SEC22C: variants seen among roughly 807,000 people sequenced by gnomAD.
SEC22C encodes vesicle-trafficking protein SEC22c.
In SEC22C, 29 loss-of-function variants were observed where a neutral mutation model predicts 34.7. The ratio of observed to expected loss-of-function variants is 0.84; its 90% CI spans 0.62 to 1.14. The LOEUF is 1.14. Ranked by LOEUF, SEC22C falls within the 50% of genes most tolerant of loss-of-function variation. The probability of loss-of-function intolerance (pLI) is 0.00; values close to 1 mark genes in which losing one functional copy is unlikely to be tolerated. For missense variants in SEC22C, 337 were observed against 369.0 expected, an observed-to-expected ratio of 0.91 and a Z score of 0.71; for synonymous variants, 117 against 132.8, an observed-to-expected ratio of 0.88 and a Z score of 0.82.
intron 1 of SEC22C, chr3:42,590,949 C>G (rs1174473663): frequency 7.4e-7 from 1 of 1,357,298 alleles, no homozygotes; most frequent in East Asian, 3.6e-5. Flanking sequence ...GGAAGTCAAT[C>G]AAGAGACTAT....
chr3:42,578,257 C>A (rs1704092471), intron 1 of SEC22C, among the ~76,000 whole-genome samples: 1 of 152,120 alleles, frequency 6.6e-6, no homozygotes, highest in Non-Finnish European at 1.5e-5. Context: ...GGTCCTGGTA[C>A]ACAGAACAAC....
intron 1 of SEC22C, among the ~76,000 whole-genome samples, chr3:42,569,367 C>T (rs926773211): frequency 1.3e-5 from 2 of 152,086 alleles, no homozygotes; most frequent in Admixed American, 6.5e-5. Flanking sequence ...TAGAGAAGAA[C>T]GGACGCAGGA....
intron 1 of SEC22C, among the ~76,000 whole-genome samples, chr3:42,596,054 G>A (rs115700490): frequency 0.011 from 1,616 of 150,654 alleles, 25 homozygotes; most frequent in African/African-American, 0.037. Context: ...TTTTTGAGAC[G>A]GAATCTCGCT....
At chr3:42,586,792 C>G (rs1383158917), upstream of SEC22C, among the ~76,000 whole-genome samples, 5 of 152,296 alleles carry the variant, frequency 3.3e-5, no homozygotes, top group South Asian at 4.1e-4. Flanking sequence ...TCCAACCTAG[C>G]CTTTGTCCCT....
chr3:42,558,896 T>C (rs1228641128), intron 4 of SEC22C, among the ~76,000 whole-genome samples: 1 of 152,248 alleles, frequency 6.6e-6, no homozygotes, highest in Non-Finnish European at 1.5e-5. Flanking sequence ...GCATTTCTAT[T>C]ATATGCCTCA....
intron 1 of SEC22C, among the ~76,000 whole-genome samples, chr3:42,596,388 G>T (rs963189609): frequency 6.6e-6 from 1 of 152,202 alleles, no homozygotes; most frequent in Non-Finnish European, 1.5e-5. Context: ...TGGTTTTCCA[G>T]AGTCCTATCC....
At chr3:42,555,823 G>T in intron 6 of SEC22C, 107 bp downstream of exon 6, 1 of 897,896 alleles carries the variant, frequency 1.1e-6, no homozygotes, top group African/African-American at 1.7e-5. Context: ...TGTGAACCAT[G>T]ACCTTGGTGG....
chr3:42,590,752 G>A, intron 1 of SEC22C: 1 of 860,694 alleles, frequency 1.2e-6, no homozygotes, highest in Non-Finnish European at 2.0e-6. Flanking sequence ...AAAGCGCTGA[G>A]TATAGCTCTT....
intron 1 of SEC22C, chr3:42,600,269 A>T (rs1220592443): frequency 6.6e-6 from 1 of 152,064 alleles, no homozygotes; most frequent in Non-Finnish European, 1.5e-5. Flanking sequence ...GGACATAACC[A>T]CTCCCGGCCA....
chr3:42,600,259 G>T (rs981415144), intron 1 of SEC22C, among the ~76,000 whole-genome samples: 4 of 152,144 alleles, frequency 2.6e-5, no homozygotes, highest in Non-Finnish European at 4.4e-5. Flanking sequence ...AGTAGGACAC[G>T]GACATAACCA....
In SEC22C at chr3:42,557,666, G is replaced by T; in HGVS notation, c.557C>A (p.Ala186Asp). 1 of 1,609,800 alleles carries T rather than the reference G, an allele frequency of 6.2e-7. No individual in the cohort carries two copies. Among genetic ancestry groups the T allele is most frequent in the South Asian group, 1.1e-5 (1 of 90,810 alleles). Residue 186 changes from alanine to aspartate, a missense_variant, in exon 5 of 7, where the codon GCC (alanine) becomes GAC (aspartate). By Grantham distance (126) the Ala-to-Asp change is moderately radical (BLOSUM62 -2). Transcript: ENST00000264454. ...GAGAATGAGGGAGAGGATACCCAGGGCTGTCACTGGTTCCATTCGGAAATT... is the reference window on the plus strand; with the variant it reads ...GAGAATGAGGGAGAGGATACCCAGGTCTGTCACTGGTTCCATTCGGAAATT... ...APNFRMEPVT[A>D]LGILSLILNI...
At chr3:42,568,695 A>G (rs1703417127) in intron 2 of SEC22C, among the ~76,000 whole-genome samples, 170 bp downstream of exon 2, 1 of 151,756 alleles carries the variant, frequency 6.6e-6, no homozygotes, top group Non-Finnish European at 1.5e-5. Flanking sequence ...CTGAGGCTCT[A>G]AGAAAACCCA....
intron 4 of SEC22C, among the ~76,000 whole-genome samples, 170 bp from the exon 5 acceptor site, chr3:42,557,866 G>T (rs13085143): frequency 0.078 from 11,942 of 152,298 alleles, 497 homozygotes; most frequent in South Asian, 0.13. Context: ...AAAAAGCCAA[G>T]AAATGATGGA....
At chr3:42,560,516 GAA>G (rs758397738) in intron 4 of SEC22C, among the ~76,000 whole-genome samples, 2 of 115,010 alleles carry the variant, frequency 1.7e-5, no homozygotes, top group Non-Finnish European at 3.7e-5. Context: ...GTCTCTATTT[GAA>G]AAAAAAAAAA....
At chr3:42,592,979 T>C (rs1191711161) in intron 1 of SEC22C, among the ~76,000 whole-genome samples, 2 of 152,312 alleles carry the variant, frequency 1.3e-5, no homozygotes, top group African/African-American at 2.4e-5. Flanking sequence ...GGGTTCTGCA[T>C]TGCATTTCAA....
At chr3:42,595,231 T>A (rs573856727) in intron 1 of SEC22C, 18 of 152,360 alleles carry the variant, frequency 1.2e-4, no homozygotes, top group African/African-American at 4.3e-4. Flanking sequence ...CAAATAAGAT[T>A]CACATGTTGT....
At chr3:42,586,628 C>T (rs928062089), upstream of SEC22C, among the ~76,000 whole-genome samples, 6 of 151,492 alleles carry the variant, frequency 4.0e-5, no homozygotes, top group Admixed American at 2.0e-4. Context: ...CCTGGTTTTC[C>T]TCTTCCTATA....
chr3:42,597,419 G>A (rs1204782333), intron 1 of SEC22C, among the ~76,000 whole-genome samples: 3 of 152,174 alleles, frequency 2.0e-5, no homozygotes, highest in Non-Finnish European at 4.4e-5. Context: ...AGCCAGGTGT[G>A]GTGGCGTGTG....
intron 1 of SEC22C, among the ~76,000 whole-genome samples, 193 bp from the exon 2 acceptor site, chr3:42,569,266 C>A (rs950448878): frequency 1.3e-5 from 2 of 152,202 alleles, no homozygotes; most frequent in Non-Finnish European, 2.9e-5. Flanking sequence ...ATCCTCCCTG[C>A]CTTTTCTGCA....
Sources: allele counts gnomAD v4.1 joint callset (sites outside exome capture counted in the v4.1 genomes callset), GRCh38; gene constraint gnomAD v4.1.1; transcripts MANE v1.5; gene names NCBI Gene and HGNC (gene_info 2026-07-23, HGNC 2026-07-21).